Variants in RCAN1 observed in about 807,000 individuals in gnomAD.
RCAN1 encodes the protein calcipressin-1.
In RCAN1, 11 loss-of-function variants were observed where a neutral mutation model predicts 22.9. The observed-to-expected ratio is 0.48, with a 90% CI of 0.30 to 0.79. RCAN1 has a LOEUF of 0.79. Among genes scored for constraint, RCAN1 ranks in the 30% least tolerant of loss-of-function variants. RCAN1 has a pLI of 0.06. For synonymous variants in RCAN1, 136 were observed against 142.3 expected (o/e 0.96, Z 0.32); for missense variants, 291 against 337.8 (o/e 0.86, Z 1.09).
At chr21:34,596,499 G>A (rs968964216) in intron 1 of RCAN1, among the ~76,000 whole-genome samples, 1 of 152,100 alleles carries the variant, frequency 6.6e-6, no homozygotes, top group African/African-American at 2.4e-5. Context: ...CTTGCCCACT[G>A]GAGCCTCAGC....
chr21:34,561,810 C>T (rs1322532977), intron 1 of RCAN1, among the ~76,000 whole-genome samples: 2 of 152,156 alleles, frequency 1.3e-5, no homozygotes, highest in Admixed American at 6.5e-5. Flanking sequence ...AATATTGGCC[C>T]GACGTTCAGG....
chr21:34,573,185 T>C (rs1184849709), intron 1 of RCAN1, among the ~76,000 whole-genome samples: 1 of 152,168 alleles, frequency 6.6e-6, no homozygotes, highest in Non-Finnish European at 1.5e-5. Flanking sequence ...TGTAAATGGA[T>C]AGATTTTTAG....
At chr21:34,580,937 A>G (rs889956050) in intron 1 of RCAN1, among the ~76,000 whole-genome samples, 14 of 152,286 alleles carry the variant, frequency 9.2e-5, no homozygotes, top group African/African-American at 3.4e-4. Context: ...AACACAGGGG[A>G]GGTCTATGGA....
intron 1 of RCAN1, among the ~76,000 whole-genome samples, chr21:34,565,399 G>T (rs576290999): frequency 4.4e-4 from 67 of 152,284 alleles, no homozygotes; most frequent in African/African-American, 1.4e-3. Flanking sequence ...TCAGGGCTTG[G>T]CAGTGCACAG....
chr21:34,574,098 A>C (rs1987326120), intron 1 of RCAN1, among the ~76,000 whole-genome samples: 1 of 152,240 alleles, frequency 6.6e-6, no homozygotes, highest in African/African-American at 2.4e-5. Context: ...CCTACTATGA[A>C]TACAGACCCA....
Position 34,523,724 on chromosome 21 carries a change from A to C in RCAN1, c.253-14T>G. On this transcript the variant is annotated splice_polypyrimidine_tract_variant and intron_variant, in intron 1 of 3. Coordinates refer to ENST00000313806, the MANE Select transcript of RCAN1 (RefSeq NM_004414.7). Reference sequence around the variant, plus strand: ...CTCAAATTTGGCCTGAAAAATAACAATAAAAATAAAAGGAGTTGAAATTTA... The same window carrying C: ...CTCAAATTTGGCCTGAAAAATAACACTAAAAATAAAAGGAGTTGAAATTTA... 1 of 1,607,294 alleles carries C rather than the reference A, an allele frequency of 6.2e-7. No homozygotes were observed. Among genetic ancestry groups the C allele is most frequent in the South Asian group, 1.1e-5 (1 of 90,108 alleles).
intron 1 of RCAN1, among the ~76,000 whole-genome samples, chr21:34,542,748 C>G (rs149054024): frequency 6.6e-5 from 10 of 152,328 alleles, no homozygotes; most frequent in African/African-American, 1.9e-4. Flanking sequence ...TCATTAGACT[C>G]AGAAGGCGAG....
intron 1 of RCAN1, among the ~76,000 whole-genome samples, chr21:34,563,770 A>AAAAAAT (rs1555863394): frequency 3.1e-5 from 2 of 65,442 alleles, no homozygotes; most frequent in African/African-American, 1.4e-4. Context: ...AAAAAAAAAA[A>AAAAAAT]ATATATATAT....
At chr21:34,541,117 AT>A (rs1985893788) in intron 1 of RCAN1, among the ~76,000 whole-genome samples, 1 of 152,226 alleles carries the variant, frequency 6.6e-6, no homozygotes. Context: ...AGCTTGAGTG[AT>A]GAGACTGCAG....
chr21:34,556,334 G>A (rs1443802766), intron 1 of RCAN1, among the ~76,000 whole-genome samples: 1 of 150,588 alleles, frequency 6.6e-6, no homozygotes, highest in East Asian at 2.0e-4. Context: ...GCTAAAGTAG[G>A]AGAATCGCTT....
At chr21:34,541,750 C>G (rs1049328635) in intron 1 of RCAN1, among the ~76,000 whole-genome samples, 1 of 152,080 alleles carries the variant, frequency 6.6e-6, no homozygotes, top group Admixed American at 6.5e-5. Flanking sequence ...CTGGCTAACA[C>G]GGTGAAACAC....
At chr21:34,549,719 A>G (rs1986290011) in intron 1 of RCAN1, among the ~76,000 whole-genome samples, 2 of 152,230 alleles carry the variant, frequency 1.3e-5, no homozygotes, top group African/African-American at 2.4e-5. Flanking sequence ...AGCAGCCTCA[A>G]TGGCTGATGT....
At position 34,614,772 on chromosome 21, in the gene RCAN1, G is replaced by A; in HGVS notation, c.240C>T (p.Asp80=). 3 of 1,454,144 alleles carry A rather than the reference G, an allele frequency of 2.1e-6. No individual in the cohort carries two copies. The highest frequency in any genetic ancestry group is 1.3e-5 in the South Asian group (1 of 78,580). 90.1% of individuals were successfully genotyped at this position (1,454,144 alleles called of 1,614,324 possible). ...GCGCGGTCCTCACCCGGCACAGGCC[G>A]TCCACGAACACGCGCGGGTCCAGGT... ...ACHLDPRVFV[D]GLCRAKFESL... Residue 80 remains aspartate (D), a synonymous_variant, in exon 1 of 4, where the codon GAC becomes GAT. Transcript: ENST00000313806. The surrounding 1 kb of genome is among the most constrained non-coding windows in gnomAD (Gnocchi z 6.0).
chr21:34,576,815 CT>C (rs1221501280), intron 1 of RCAN1, among the ~76,000 whole-genome samples: 3 of 152,192 alleles, frequency 2.0e-5, no homozygotes, highest in Non-Finnish European at 4.4e-5. Flanking sequence ...ATGGATAATA[CT>C]TTGTCTTTGG....
chr21:34,550,914 C>A (rs1007988689), intron 1 of RCAN1, among the ~76,000 whole-genome samples: 1 of 152,190 alleles, frequency 6.6e-6, no homozygotes, highest in Non-Finnish European at 1.5e-5. Context: ...GTGGGCAGAG[C>A]TTTATCATAT....
intron 1 of RCAN1, among the ~76,000 whole-genome samples, chr21:34,553,768 T>C (rs1477682706): frequency 6.6e-6 from 1 of 152,092 alleles, no homozygotes; most frequent in Non-Finnish European, 1.5e-5. Flanking sequence ...ACGCACTGAG[T>C]TCATTCCAGA....
At chr21:34,573,046 T>C (rs541462526) in intron 1 of RCAN1, among the ~76,000 whole-genome samples, 1 of 152,346 alleles carries the variant, frequency 6.6e-6, no homozygotes, top group South Asian at 2.1e-4. Flanking sequence ...CCTTGGCTTA[T>C]CTGGACTCTC....
At chr21:34,535,879 CA>C (rs5843668) in intron 1 of RCAN1, among the ~76,000 whole-genome samples, 53,278 of 113,528 alleles carry the variant, frequency 0.47, 10,598 homozygotes, top group African/African-American at 0.62. Context: ...ACAGTAGAAA[CA>C]AAAAAAAAAT....
chr21:34,563,770 A>AT (rs1491234478), intron 1 of RCAN1, among the ~76,000 whole-genome samples: 866 of 65,352 alleles, frequency 0.013, 2 homozygotes, highest in Middle Eastern at 0.029. Context: ...AAAAAAAAAA[A>AT]ATATATATAT....
Sources: gnomAD v4.1 joint callset for allele counts (sites outside exome capture counted in the v4.1 genomes callset) on GRCh38, gnomAD v4.1.1 for gene constraint, Gnocchi (gnomAD v3.1) non-coding constraint, MANE v1.5 for transcripts, NCBI Gene and HGNC (gene_info 2026-07-23, HGNC 2026-07-21) for gene names.